The following TNFRSF9 variants were observed in gnomAD, a reference collection of about 807,000 sequenced individuals.
TNFRSF9 encodes TNF receptor superfamily member 9, also known as tumor necrosis factor receptor superfamily member 9.
A neutral mutation model predicts 28.8 loss-of-function variants in TNFRSF9; 16 were observed. The ratio of observed to expected loss-of-function variants is 0.55; its 90% CI spans 0.38 to 0.84. The LOEUF (loss-of-function observed/expected upper bound fraction) is 0.84, where lower values mean the gene tolerates loss of function less well. Among genes scored for constraint, TNFRSF9 ranks in the 40% least tolerant of loss-of-function variants. The probability of loss-of-function intolerance (pLI) is 0.00; values close to 1 mark genes in which losing one functional copy is unlikely to be tolerated. For missense variants in TNFRSF9, 303 were observed against 315.0 expected (o/e 0.96, Z 0.29); for synonymous variants, 131 against 117.0 (o/e 1.12, Z -0.77).
At chr1:7,933,375 A>T (rs1639765300) in intron 6 of TNFRSF9, 79 bp from the exon 7 acceptor site, 1 of 1,466,384 alleles carries the variant, frequency 6.8e-7, no homozygotes, top group South Asian at 1.3e-5. Flanking sequence ...TTACATTGGT[A>T]AATTTCTAAG....
intron 7 of TNFRSF9, among the ~76,000 whole-genome samples, chr1:7,924,720 A>G (rs934363881): frequency 8.5e-5 from 13 of 152,316 alleles, no homozygotes; most frequent in Admixed American, 8.5e-4. Flanking sequence ...AGAAGAAGAC[A>G]TTGTTCTCAT....
chr1:7,929,257 C>A (rs1639699018), intron 7 of TNFRSF9, among the ~76,000 whole-genome samples: 1 of 150,592 alleles, frequency 6.6e-6, no homozygotes, highest in Non-Finnish European at 1.5e-5. Context: ...CCTCCGCCTC[C>A]CAGGTTCAAG....
rs555723076 is a variant in TNFRSF9, at chr1:7,933,221, G to A, written c.620C>T (p.Thr207Met). ...CCGTTTAACAACAGAGAAACGGAGC[G>A]TGAGGAAGAACAGCAGGAAGAGCAA... ...TALLFLLFFL[T>M]LRFSVVKRGR... Residue 207 changes from threonine (T) to methionine (M), a missense_variant, in exon 7 of 8, where the codon ACG becomes ATG. Thr to Met is a moderately conservative substitution (Grantham distance 81, BLOSUM62 -1). Coordinates refer to ENST00000377507, the MANE Select transcript of TNFRSF9 (RefSeq NM_001561.6). 5.6e-5 allele frequency: 90 copies of A among 1,613,974 alleles called. No individual in the cohort carries two copies. The South Asian group carries it at 5.6e-4, about 10-fold the overall frequency.
At chr1:7,924,887 A>T (rs989258978) in intron 7 of TNFRSF9, among the ~76,000 whole-genome samples, 2 of 152,252 alleles carry the variant, frequency 1.3e-5, no homozygotes, top group Admixed American at 1.3e-4. Context: ...AAAGCAATTT[A>T]AAAACTTTTA....
chr1:7,939,893 AC>A lies in TNFRSF9; in HGVS notation c.100+1del. ...AAATGCACATGATAACTGGGTACTC[AC>A]CAGCTGGGCAGTTACTACAAGGATC... is the stretch of plus-strand genomic sequence containing the variant. On this transcript the variant is annotated splice_donor_variant, in intron 2 of 7. Transcript: ENST00000377507. LOFTEE classifies it high-confidence loss of function. 1 of 1,592,818 alleles carries A rather than the reference AC, an allele frequency of 6.3e-7. No homozygotes were observed. The highest frequency in any genetic ancestry group is 8.6e-7 in the Non-Finnish European group (1 of 1,163,168).
At chr1:7,927,137 C>T (rs1020389756) in intron 7 of TNFRSF9, among the ~76,000 whole-genome samples, 2 of 152,114 alleles carry the variant, frequency 1.3e-5, no homozygotes, top group African/African-American at 4.8e-5. Flanking sequence ...CCACTGGAGG[C>T]TATATGATCA....
chr1:7,923,180 C>A (rs901912148), intron 7 of TNFRSF9, among the ~76,000 whole-genome samples: 1 of 152,040 alleles, frequency 6.6e-6, no homozygotes. Flanking sequence ...GGATTACAGG[C>A]GTGAGCCACC....
chr1:7,927,066 A>AT (rs1032472901), intron 7 of TNFRSF9, among the ~76,000 whole-genome samples: 7 of 151,750 alleles, frequency 4.6e-5, no homozygotes, highest in Non-Finnish European at 7.4e-5. Context: ...TCAAAATAAA[A>AT]AAAAAAATTA....
intron 6 of TNFRSF9, 66 bp downstream of exon 6, chr1:7,934,947 C>T (rs1639794801): frequency 6.3e-7 from 1 of 1,587,426 alleles, no homozygotes; most frequent in South Asian, 1.1e-5. Flanking sequence ...GATATTGGGG[C>T]AATTTAGATA....
intron 7 of TNFRSF9, among the ~76,000 whole-genome samples, chr1:7,928,786 C>T (rs1225077669): frequency 2.0e-5 from 3 of 152,128 alleles, no homozygotes; most frequent in African/African-American, 7.2e-5. Context: ...GGCTGAGGCA[C>T]GAAAATCGCT....
intron 7 of TNFRSF9, among the ~76,000 whole-genome samples, chr1:7,930,211 G>T (rs1322663224): frequency 6.6e-6 from 1 of 151,850 alleles, no homozygotes; most frequent in African/African-American, 2.4e-5. Context: ...CAGGTGATCT[G>T]CCCGCCTCAG....
In TNFRSF9 at chr1:7,938,266, C is replaced by A. The variant is rs765127482; in HGVS notation, c.273G>T (p.Gly91=). Reference sequence around the variant, plus strand: ...TGCATCCTGCCCCCAGGCAGTGAAACCCTGGAGTGCAGTCACACTCTGCAT... The same window carrying A: ...TGCATCCTGCCCCCAGGCAGTGAAAACCTGGAGTGCAGTCACACTCTGCAT... ...TSNAECDCTP[G]FHCLGAGCSM... The change falls in exon 4 of 8, where the codon GGG becomes GGT. Residue 91 remains glycine (G), a synonymous_variant. Transcript: ENST00000377507. 1.2e-6 allele frequency: 2 copies of A among 1,609,094 alleles called. No homozygotes were observed. The highest frequency in any genetic ancestry group is 1.3e-5 in the African/African-American group (1 of 74,644).
At chr1:7,932,063 G>T (rs1340417938) in intron 7 of TNFRSF9, among the ~76,000 whole-genome samples, 9 of 152,168 alleles carry the variant, frequency 5.9e-5, no homozygotes, top group Non-Finnish European at 1.5e-5. Context: ...CTTGAACCCG[G>T]AAGGAGGAGG....
At chr1:7,937,922 A>G (rs1639844945) in intron 4 of TNFRSF9, among the ~76,000 whole-genome samples, 166 bp from the exon 5 acceptor site, 3 of 152,224 alleles carry the variant, frequency 2.0e-5, no homozygotes, top group Admixed American at 2.0e-4. Context: ...TTTTAATTGT[A>G]CATAAAGTAT....
At chr1:7,931,464 A>G (rs751825830) in intron 7 of TNFRSF9, among the ~76,000 whole-genome samples, 1 of 152,248 alleles carries the variant, frequency 6.6e-6, no homozygotes, top group Non-Finnish European at 1.5e-5. Context: ...GATGAACTCA[A>G]CATGGATGAA....
chr1:7,933,974 G>A (rs1232174832), intron 6 of TNFRSF9, among the ~76,000 whole-genome samples: 3 of 152,004 alleles, frequency 2.0e-5, no homozygotes, highest in Non-Finnish European at 2.9e-5. Context: ...CCGAGATTGC[G>A]CCATTGCACT....
chr1:7,936,057 C>G (rs781554561), intron 5 of TNFRSF9, among the ~76,000 whole-genome samples: 39 of 152,144 alleles, frequency 2.6e-4, no homozygotes, highest in Non-Finnish European at 4.9e-4. Flanking sequence ...CCAGTTCAAA[C>G]CCATTTTTCC....
At chr1:7,926,208 T>C (rs1639648385) in intron 7 of TNFRSF9, among the ~76,000 whole-genome samples, 1 of 152,186 alleles carries the variant, frequency 6.6e-6, no homozygotes, top group African/African-American at 2.4e-5. Context: ...GCAAAGATCA[T>C]ATTATTTTCA....
intron 7 of TNFRSF9, among the ~76,000 whole-genome samples, chr1:7,928,893 A>C (rs910052727): frequency 6.6e-6 from 1 of 152,078 alleles, no homozygotes; most frequent in Non-Finnish European, 1.5e-5. Flanking sequence ...ACAAACAACA[A>C]CAATAACAAC....
Sources: allele counts gnomAD v4.1 joint callset (sites outside exome capture counted in the v4.1 genomes callset), GRCh38; gene constraint gnomAD v4.1.1; transcripts MANE v1.5; gene names NCBI Gene and HGNC (gene_info 2026-07-23, HGNC 2026-07-21).